Variants in FSIP2 observed in about 807,000 individuals in gnomAD.
The protein encoded by FSIP2 is fibrous sheath-interacting protein 2.
In FSIP2, 367 loss-of-function variants were observed where a neutral mutation model predicts 510.5. The ratio of observed to expected loss-of-function variants is 0.72; its 90% confidence interval spans 0.66 to 0.78. The LOEUF is 0.78. Ranked by LOEUF, FSIP2 falls within the 30% of genes least tolerant of loss-of-function variation. FSIP2 has a pLI of 0.00. For synonymous variants in FSIP2, 2,601 were observed against 2,732.2 expected, an observed-to-expected ratio of 0.95 and a Z score of 1.50; for missense variants, 7,594 against 7,901.7, an observed-to-expected ratio of 0.96 and a Z score of 1.48.
At chr2:185,757,834 T>C (rs1692271652) in intron 9 of FSIP2, among the ~76,000 whole-genome samples, 1 of 151,330 alleles carries the variant, frequency 6.6e-6, no homozygotes, top group Admixed American at 6.6e-5. Context: ...GAACATTTTG[T>C]ACAATTACAT....
intron 8 of FSIP2, among the ~76,000 whole-genome samples, chr2:185,755,953 T>C (rs563734993): frequency 6.6e-6 from 1 of 151,630 alleles, no homozygotes; most frequent in African/African-American, 2.4e-5. Flanking sequence ...GATTTCCTTT[T>C]CTGCTAGAAA....
In FSIP2 at chr2:185,738,957, C is replaced by T; in HGVS notation, c.63C>T (p.Ala21=). 1 of 1,533,946 alleles carries T rather than the reference C, an allele frequency of 6.5e-7. No individual in the cohort carries two copies. The highest frequency in any genetic ancestry group is 8.7e-7 in the Non-Finnish European group (1 of 1,146,610). Residue 21 remains alanine, a synonymous_variant, in exon 1 of 23, where the codon GCC becomes GCT. Transcript: ENST00000424728. ...PAKVAVTKTV[A]SVLAADTQQC... ...AAGTCGCCGTCACCAAGACGGTCGC[C>T]AGCGTCCTGGCCGCGGACACCCAGC... is the stretch of plus-strand genomic sequence containing the variant.
At chr2:185,738,163 G>T (rs924024372), upstream of FSIP2, 3 of 176,032 alleles carry the variant, frequency 1.7e-5, no homozygotes, top group Admixed American at 1.6e-4. Flanking sequence ...GCTTCTTACA[G>T]TCAGGGGCCA....
intron 17 of FSIP2, among the ~76,000 whole-genome samples, chr2:185,812,210 A>C (rs1693747092): frequency 6.6e-6 from 1 of 152,134 alleles, no homozygotes; most frequent in Admixed American, 6.5e-5. Context: ...GGACTGCCCA[A>C]GGCCTTGAGA....
chr2:185,803,067 A>C lies in FSIP2; in HGVS notation c.13761A>C (p.Lys4587Asn). The change falls in exon 17 of 23, where the codon AAA becomes AAC. Residue 4587 changes from lysine to asparagine, a missense_variant. Coordinates refer to ENST00000424728, the MANE Select transcript of FSIP2 (RefSeq NM_173651.4). ...TCATCATTAAACATATCTGTCAAAA[A>C]CATCTTCAGCCATTTGTGAGTGGAA... ...AGFIIKHICQ[K>N]HLQPFVSGKS... 1 of 1,515,296 alleles carries C rather than the reference A, an allele frequency of 6.6e-7. No individual in the cohort carries two copies. Among genetic ancestry groups the C allele is most frequent in the Non-Finnish European group, 8.8e-7 (1 of 1,138,266 alleles). 93.9% of individuals were successfully genotyped at this position (1,515,296 alleles called of 1,614,324 possible).
intron 13 of FSIP2, among the ~76,000 whole-genome samples, chr2:185,781,046 C>T (rs936381889): frequency 4.2e-5 from 6 of 143,392 alleles, no homozygotes; most frequent in African/African-American, 1.3e-4. Flanking sequence ...TTCTCTGCTT[C>T]CTCTGTGGCA....
intron 16 of FSIP2, among the ~76,000 whole-genome samples, chr2:185,797,998 CTT>C (rs1559030829): frequency 6.6e-6 from 1 of 151,784 alleles, no homozygotes; most frequent in African/African-American, 2.4e-5. Flanking sequence ...GCCTCAATTG[CTT>C]TTTAATTCAT....
At chr2:185,763,504 T>G (rs1428932373) in intron 12 of FSIP2, among the ~76,000 whole-genome samples, 2 of 151,544 alleles carry the variant, frequency 1.3e-5, no homozygotes, top group African/African-American at 4.8e-5. Flanking sequence ...TCTACAACTT[T>G]TAGAGGAAGT....
Position 185,813,783 on chromosome 2 carries a change from A to T in FSIP2, c.20066A>T (p.Glu6689Val). The T allele has an allele frequency of 6.2e-7, 1 of 1,613,380 alleles. No individual in the cohort carries two copies. Among genetic ancestry groups the T allele is most frequent in the Non-Finnish European group, 8.5e-7 (1 of 1,179,728 alleles). ...AAAGTATTTGAAGATCAAGTGAAAG[A>T]AGTCAAGAAGCCAATACAAAGCAAA... ...GIKVFEDQVK[E>V]VKKPIQSKLS... Residue 6689 changes from glutamate (E) to valine (V), a missense_variant, in exon 18 of 23, where the codon GAA (glutamate) becomes GTA (valine). By Grantham distance (121) the Glu-to-Val change is moderately radical (BLOSUM62 -2). Transcript: ENST00000424728.
intron 19 of FSIP2, among the ~76,000 whole-genome samples, chr2:185,819,467 A>C (rs1445634115): frequency 3.3e-5 from 5 of 151,948 alleles, no homozygotes; most frequent in African/African-American, 9.7e-5. Context: ...TAGATCTAAG[A>C]ATACATGTAG....
At chr2:185,741,249 T>A (rs750366170) in intron 2 of FSIP2, among the ~76,000 whole-genome samples, 3 of 149,260 alleles carry the variant, frequency 2.0e-5, no homozygotes, top group Non-Finnish European at 4.4e-5. Flanking sequence ...CTATTTTTTA[T>A]TACATTAATT....
chr2:185,823,646 C>A (rs1451375875), intron 19 of FSIP2, among the ~76,000 whole-genome samples: 1 of 151,624 alleles, frequency 6.6e-6, no homozygotes, highest in Admixed American at 6.6e-5. Flanking sequence ...ATGGTGGGAA[C>A]TTCAATAGTG....
intron 13 of FSIP2, among the ~76,000 whole-genome samples, chr2:185,779,921 G>C (rs1310172419): frequency 6.6e-6 from 1 of 150,628 alleles, no homozygotes; most frequent in Non-Finnish European, 1.5e-5. Context: ...TAAGTTTCAG[G>C]GGACAGTTTT....
rs766741003 is a variant in FSIP2 at position 185,791,122 on chromosome 2, C to A, written c.3986C>A (p.Thr1329Lys). ...LREIDHTKSLTDKGFFANTDK... is the reference protein window; with the variant it reads ...LREIDHTKSLKDKGFFANTDK... Reference sequence around the variant, plus strand: ...GAGATTGACCATACCAAATCCCTTACAGATAAAGGATTTTTTGCTAATACT... The same window carrying A: ...GAGATTGACCATACCAAATCCCTTAAAGATAAAGGATTTTTTGCTAATACT... Residue 1329 changes from threonine to lysine, a missense_variant, in exon 16 of 23, where the codon ACA becomes AAA. By Grantham distance (78) the Thr-to-Lys change is moderately conservative. Transcript: ENST00000424728. 2.0e-6 allele frequency: 3 copies of A among 1,530,456 alleles called. No homozygotes were observed. Among genetic ancestry groups the A allele is most frequent in the Non-Finnish European group, 2.6e-6 (3 of 1,142,798 alleles). The allele number at this position is 1,530,456 out of a possible 1,614,324, so 94.8% of individuals were successfully genotyped here.
At position 185,802,552 on chromosome 2, in the gene FSIP2, T is replaced by A; in HGVS notation, c.13246T>A (p.Tyr4416Asn). Residue 4416 changes from tyrosine (Y) to asparagine (N), a missense_variant, in exon 17 of 23, where the codon TAC (tyrosine) becomes AAC (asparagine). By Grantham distance (143) the Tyr-to-Asn change is moderately radical. Coordinates refer to ENST00000424728, the MANE Select transcript of FSIP2 (RefSeq NM_173651.4). ...TNLIVAAISDYLLHPLFSGDF... is the reference protein window; with the variant it reads ...TNLIVAAISDNLLHPLFSGDF... ...TTTAATTGTAGCAGCTATTTCAGAT[T>A]ACCTTCTTCATCCACTGTTTTCTGG... The A allele has an allele frequency of 6.5e-7, 1 of 1,530,008 alleles. No homozygotes were observed. The highest frequency in any genetic ancestry group is 8.7e-7 in the Non-Finnish European group (1 of 1,144,256). 94.8% of individuals were successfully genotyped at this position (1,530,008 alleles called of 1,614,324 possible).
At chr2:185,781,696 A>G (rs747321627) in intron 13 of FSIP2, among the ~76,000 whole-genome samples, 1 of 152,206 alleles carries the variant, frequency 6.6e-6, no homozygotes, top group Non-Finnish European at 1.5e-5. Context: ...AAGTTTAGCT[A>G]TTTTTAACAG....
Position 185,805,493 on chromosome 2 carries a change from CA to C in FSIP2, c.16188del (p.Leu5397PhefsTer14). On this transcript the variant is annotated frameshift_variant, in exon 17 of 23. Coordinates refer to ENST00000424728, the MANE Select transcript of FSIP2 (RefSeq NM_173651.4). LOFTEE classifies it high-confidence loss of function. ...QKAISAFRIQPLFSGDWSSTF... is the reference protein window; with the variant it reads ...QKAISAFRIQXLFSGDWSSTF... ...GCAATATCTGCATTCAGGATTCAAC[CA>C]CTTTTTTCAGGAGACTGGTCTTCCA... 6.2e-7 allele frequency: 1 copy of C among 1,611,592 alleles called. No individual in the cohort carries two copies. Among genetic ancestry groups the C allele is most frequent in the Non-Finnish European group, 8.5e-7 (1 of 1,178,418 alleles).
chr2:185,770,251 G>A (rs527682601), intron 13 of FSIP2, among the ~76,000 whole-genome samples: 38 of 152,240 alleles, frequency 2.5e-4, no homozygotes, highest in African/African-American at 8.9e-4. Flanking sequence ...GTTTCTTTGA[G>A]CAGTGTTTTG....
chr2:185,807,871 A>C lies in FSIP2; in HGVS notation c.18565A>C (p.Lys6189Gln). 2 of 1,608,420 alleles carry C rather than the reference A, an allele frequency of 1.2e-6. No individual in the cohort carries two copies. The highest frequency in any genetic ancestry group is 1.7e-6 in the Non-Finnish European group (2 of 1,177,904). The change falls in exon 17 of 23, where the codon AAG (lysine) becomes CAG (glutamine). Residue 6189 changes from lysine to glutamine, a missense_variant. Physicochemically the swap from Lys to Gln is moderately conservative, Grantham distance 53. Transcript: ENST00000424728. ...IEEIAVKFLSKLLSIFPKVHK... is the reference protein window; with the variant it reads ...IEEIAVKFLSQLLSIFPKVHK... ...AGAAATTGCTGTGAAATTTTTATCA[A>C]AGCTTTTATCTATATTTCCAAAAGT...
Sources: gnomAD v4.1 joint callset for allele counts (sites outside exome capture counted in the v4.1 genomes callset) on GRCh38, gnomAD v4.1.1 for gene constraint, MANE v1.5 for transcripts, NCBI Gene and HGNC (gene_info 2026-07-23, HGNC 2026-07-21) for gene names.